IRAK1BP1: variants seen among roughly 807,000 people sequenced by gnomAD.
IRAK1BP1 encodes interleukin-1 receptor-associated kinase 1-binding protein 1.
Under a neutral mutation model 28.0 loss-of-function variants are expected in IRAK1BP1, and 24 were observed. The ratio of observed to expected loss-of-function variants is 0.86; its 90% CI spans 0.62 to 1.20. The LOEUF (loss-of-function observed/expected upper bound fraction) is 1.20, where lower values mean the gene tolerates loss of function less well. Among genes scored for constraint, IRAK1BP1 ranks in the 50% most tolerant of loss-of-function variants. The pLI is 0.00. For missense variants in IRAK1BP1, 336 were observed against 316.7 expected, an observed-to-expected ratio of 1.06 and a Z score of -0.46; for synonymous variants, 131 against 116.3, an observed-to-expected ratio of 1.13 and a Z score of -0.81.
chr6:78,948,897 TGAA>T (rs1554194743), downstream of IRAK1BP1, among the ~76,000 whole-genome samples: 7 of 152,242 alleles, frequency 4.6e-5, no homozygotes, highest in Non-Finnish European at 1.0e-4. Context: ...CGTCTGACCA[TGAA>T]GAAGGTGTCC....
At chr6:78,884,519 C>T (rs147934052) in intron 1 of IRAK1BP1, among the ~76,000 whole-genome samples, 3 of 152,168 alleles carry the variant, frequency 2.0e-5, no homozygotes, top group Admixed American at 2.0e-4. Flanking sequence ...TAAAACCAAA[C>T]TGGCTCAGGT....
intron 4 of IRAK1BP1, among the ~76,000 whole-genome samples, chr6:78,918,578 T>TAAAAAAAA (rs58669467): frequency 4.5e-5 from 3 of 66,798 alleles, no homozygotes; most frequent in Non-Finnish European, 7.8e-5. Context: ...CCAAAAACAG[T>TAAAAAAAA]AAAAAAAAAA....
chr6:78,961,524 G>A, the IRAK1BP1 span, among the ~76,000 whole-genome samples: 1 of 151,984 alleles, frequency 6.6e-6, no homozygotes, highest in Admixed American at 6.6e-5. Flanking sequence ...AGAATCTCAG[G>A]TCCCACTCCA....
chr6:78,964,722 A>C, the IRAK1BP1 span, among the ~76,000 whole-genome samples: 1 of 152,030 alleles, frequency 6.6e-6, no homozygotes, highest in African/African-American at 2.4e-5. Flanking sequence ...CCAACACCTG[A>C]CCTCGTGATC....
At chr6:78,923,401 G>A (rs1381464431) in intron 4 of IRAK1BP1, among the ~76,000 whole-genome samples, 2 of 152,134 alleles carry the variant, frequency 1.3e-5, no homozygotes, top group East Asian at 3.9e-4. Flanking sequence ...CAATACAGGA[G>A]CACCCAGATT....
the IRAK1BP1 span, chr6:78,955,752 G>A: frequency 1.2e-5 from 7 of 588,854 alleles, no homozygotes; most frequent in African/African-American, 3.8e-5. Flanking sequence ...AAATTTGTTC[G>A]TAAAACCATA....
downstream of IRAK1BP1, among the ~76,000 whole-genome samples, chr6:78,949,367 A>G (rs374513900): frequency 6.4e-4 from 98 of 152,162 alleles, 2 homozygotes; most frequent in South Asian, 0.019. Flanking sequence ...ATACATACCA[A>G]TGAATCCCAA....
chr6:78,932,916 T>A (rs935896644), intron 4 of IRAK1BP1, among the ~76,000 whole-genome samples: 1 of 152,168 alleles, frequency 6.6e-6, no homozygotes, highest in Non-Finnish European at 1.5e-5. Context: ...TTTTTATTTT[T>A]TTTCTGGAAA....
the IRAK1BP1 span, among the ~76,000 whole-genome samples, chr6:78,959,779 A>C: frequency 1.6e-4 from 24 of 152,296 alleles, no homozygotes; most frequent in South Asian, 6.2e-4. Flanking sequence ...TTAAAATATA[A>C]TGTATCTTGA....
intron 2 of IRAK1BP1, among the ~76,000 whole-genome samples, chr6:78,885,660 TAGC>T (rs1382137206): frequency 2.0e-5 from 3 of 152,120 alleles, no homozygotes; most frequent in Non-Finnish European, 4.4e-5. Flanking sequence ...AAGTGGGAAA[TAGC>T]AGTTAATTGC....
At chr6:78,973,923 A>T in the IRAK1BP1 span, among the ~76,000 whole-genome samples, 36 of 151,920 alleles carry the variant, frequency 2.4e-4, no homozygotes, top group African/African-American at 7.7e-4. Context: ...ACACATTAAT[A>T]ATGGGAGACT....
chr6:78,965,789 T>C, the IRAK1BP1 span: 1 of 1,360,966 alleles, frequency 7.3e-7, no homozygotes, highest in African/African-American at 1.4e-5. Flanking sequence ...AATCATTATA[T>C]TAAAAAATCT....
intron 2 of IRAK1BP1, among the ~76,000 whole-genome samples, chr6:78,887,537 G>A (rs941399120): frequency 2.0e-5 from 3 of 152,000 alleles, no homozygotes. Context: ...GTGGTGGCGG[G>A]CGCCTGTAAT....
intron 4 of IRAK1BP1, chr6:78,937,707 A>T (rs1326331527): frequency 6.6e-6 from 1 of 151,758 alleles, no homozygotes; most frequent in African/African-American, 2.4e-5. Flanking sequence ...ATACATGCAG[A>T]AAATAGTCCA....
chr6:78,937,318 AAATT>A (rs1403205126), intron 4 of IRAK1BP1: 1 of 151,764 alleles, frequency 6.6e-6, no homozygotes, highest in African/African-American at 2.4e-5. Context: ...TTAACTGGAG[AAATT>A]AATTTATATT....
intron 1 of IRAK1BP1, among the ~76,000 whole-genome samples, chr6:78,868,148 C>T (rs1399742975): frequency 6.6e-6 from 1 of 152,204 alleles, no homozygotes; most frequent in African/African-American, 2.4e-5. Context: ...AGGTTTTTAT[C>T]TGGGGATATT....
chr6:78,904,540 C>A (rs1355556768), downstream of IRAK1BP1, among the ~76,000 whole-genome samples: 1 of 152,128 alleles, frequency 6.6e-6, no homozygotes, highest in East Asian at 1.9e-4. Flanking sequence ...AATTTTACTT[C>A]CAAAGGATAT....
At chr6:78,975,795 T>TA in the IRAK1BP1 span, among the ~76,000 whole-genome samples, 1 of 150,910 alleles carries the variant, frequency 6.6e-6, no homozygotes, top group African/African-American at 2.4e-5. Flanking sequence ...GAGAATAAAA[T>TA]ACCTAGGAAT....
At chr6:78,929,249 A>C (rs1361272296) in intron 4 of IRAK1BP1, among the ~76,000 whole-genome samples, 2 of 152,154 alleles carry the variant, frequency 1.3e-5, no homozygotes, top group Non-Finnish European at 2.9e-5. Flanking sequence ...CAGGTTGTAC[A>C]TCACAGCACT....
Sources: allele counts gnomAD v4.1 joint callset (sites outside exome capture counted in the v4.1 genomes callset), GRCh38; gene constraint gnomAD v4.1.1; transcripts MANE v1.5; gene names NCBI Gene and HGNC (gene_info 2026-07-23, HGNC 2026-07-21).